GALNT9: variants seen among roughly 807,000 people sequenced by gnomAD.
The protein encoded by GALNT9 is GalNAc transferase 9.
In GALNT9, 47 loss-of-function variants were observed where a neutral mutation model predicts 63.1. The observed-to-expected ratio is 0.75, with a 90% CI of 0.59 to 0.95. GALNT9 has a LOEUF of 0.95. GALNT9 is among the 40% of genes least tolerant of loss of function. The pLI is 0.00. For synonymous variants in GALNT9, 396 were observed against 365.7 expected, an observed-to-expected ratio of 1.08 and a Z score of -0.94; for missense variants, 829 against 874.8, an observed-to-expected ratio of 0.95 and a Z score of 0.66.
intron 6 of GALNT9, among the ~76,000 whole-genome samples, chr12:132,220,355 GA>G (rs1489897196): frequency 6.6e-6 from 1 of 152,218 alleles, no homozygotes; most frequent in Non-Finnish European, 1.5e-5. Flanking sequence ...GACAGAAAAA[GA>G]GAGTAATTAA....
intron 6 of GALNT9, among the ~76,000 whole-genome samples, chr12:132,216,561 G>A (rs1213749271): frequency 6.6e-6 from 1 of 152,258 alleles, no homozygotes; most frequent in African/African-American, 2.4e-5. Context: ...GGGGTCCACA[G>A]GCAGGCGGCA....
intron 6 of GALNT9, among the ~76,000 whole-genome samples, chr12:132,235,290 G>A (rs1467798302): frequency 2.6e-5 from 4 of 152,168 alleles, no homozygotes; most frequent in African/African-American, 7.2e-5. Flanking sequence ...AGCCGGGTGC[G>A]GTGGGCGCTG....
chr12:132,271,800 G>A (rs559517740), intron 2 of GALNT9, among the ~76,000 whole-genome samples: 11 of 152,174 alleles, frequency 7.2e-5, no homozygotes, highest in East Asian at 1.9e-4. Context: ...CGCACAGAAC[G>A]TGCAGGGAGG....
At chr12:132,221,826 A>G (rs1388070470) in intron 6 of GALNT9, among the ~76,000 whole-genome samples, 1 of 152,164 alleles carries the variant, frequency 6.6e-6, no homozygotes, top group Non-Finnish European at 1.5e-5. Context: ...GCTGGGTGAC[A>G]TCGGGTAAAT....
intron 5 of GALNT9, among the ~76,000 whole-genome samples, chr12:132,249,290 A>G (rs567371187): frequency 2.6e-5 from 4 of 152,204 alleles, no homozygotes; most frequent in Non-Finnish European, 5.9e-5. Context: ...GCAGGCCTTG[A>G]GCTTCCCTGA....
intron 2 of GALNT9, among the ~76,000 whole-genome samples, chr12:132,268,508 C>T (rs782609574): frequency 1.1e-4 from 17 of 152,144 alleles, no homozygotes; most frequent in Admixed American, 2.6e-4. Context: ...TTCACTATGG[C>T]AACAAAAGCA....
intron 6 of GALNT9, 140 bp from the exon 7 acceptor site, chr12:132,203,830 C>CG: frequency 1.2e-6 from 1 of 858,494 alleles, no homozygotes; most frequent in Non-Finnish European, 1.7e-6. Flanking sequence ...TGGTGGGTCC[C>CG]GGGGCTTTGC....
At position 132,208,796 on chromosome 12, in the gene GALNT9, C is replaced by A. The variant is rs187602902; in HGVS notation, c.1078-5106G>T. ...CGCAACATTTCAGAGTGGATTGTTA[C>A]ACATCCAAGAGCTGACCCATCCATG... On this transcript the variant is annotated intron_variant, in intron 6 of 10. Coordinates refer to ENST00000328957, the MANE Select transcript of GALNT9 (RefSeq NM_001122636.2). 1.9e-4 allele frequency among the ~76,000 whole-genome samples: 29 copies of A among 152,350 alleles called. No homozygotes were observed. In the East Asian group the frequency reaches 5.6e-3, roughly 29 times the overall value.
At chr12:132,240,584 C>T (rs1053434437) in intron 6 of GALNT9, 1 of 454,630 alleles carries the variant, frequency 2.2e-6, no homozygotes, top group Admixed American at 2.4e-5. Flanking sequence ...GGCCCCGGGG[C>T]TCGGCTGTGG....
chr12:132,228,025 C>G (rs1877760653), intron 6 of GALNT9, among the ~76,000 whole-genome samples: 1 of 152,166 alleles, frequency 6.6e-6, no homozygotes, highest in African/African-American at 2.4e-5. Context: ...TAGCTACAGC[C>G]TGCTCTGTGG....
chr12:132,250,824 G>A lies in GALNT9; in HGVS notation c.960-2797C>T, dbSNP rs146729665. Reference sequence around the variant, plus strand: ...CAACAACAAAGGCTCAGCTCATGCCGAGGTAAGACGGCGAGGAGGCGGTGG... The same window carrying A: ...CAACAACAAAGGCTCAGCTCATGCCAAGGTAAGACGGCGAGGAGGCGGTGG... On this transcript the variant is annotated intron_variant, in intron 5 of 10. Coordinates refer to ENST00000328957, the MANE Select transcript of GALNT9 (RefSeq NM_001122636.2). Among the ~76,000 whole-genome samples, 21 of 152,314 alleles carry A rather than the reference G, an allele frequency of 1.4e-4. No individual in the cohort carries two copies. In the East Asian group the frequency reaches 1.5e-3, roughly 11 times the overall value.
chr12:132,295,928 TCC>T (rs1881048225), intron 1 of GALNT9, among the ~76,000 whole-genome samples: 1 of 138,344 alleles, frequency 7.2e-6, no homozygotes, highest in Non-Finnish European at 1.5e-5. Flanking sequence ...AGGGACGGCC[TCC>T]GAACAGGGAC....
intron 1 of GALNT9, among the ~76,000 whole-genome samples, chr12:132,320,954 G>A (rs574096898): frequency 3.3e-5 from 5 of 152,330 alleles, no homozygotes; most frequent in South Asian, 2.1e-4. Flanking sequence ...AGCTGAGGAG[G>A]GAGGAGCTGG....
At chr12:132,237,814 C>A (rs146888905) in intron 6 of GALNT9, among the ~76,000 whole-genome samples, 2 of 152,200 alleles carry the variant, frequency 1.3e-5, no homozygotes, top group Non-Finnish European at 2.9e-5. Flanking sequence ...GCGCTTGACC[C>A]GAGCGGACAG....
intron 1 of GALNT9, among the ~76,000 whole-genome samples, chr12:132,295,137 G>A (rs1881006454): frequency 6.6e-6 from 1 of 152,238 alleles, no homozygotes; most frequent in African/African-American, 2.4e-5. Flanking sequence ...CCACAGCCCA[G>A]GGGCCAGAGA....
At chr12:132,300,116 A>G (rs1881236438) in intron 1 of GALNT9, among the ~76,000 whole-genome samples, 1 of 132,626 alleles carries the variant, frequency 7.5e-6, no homozygotes, top group Non-Finnish European at 1.6e-5. Context: ...TAACTAACCC[A>G]CTCCCACCAC....
In GALNT9 at chr12:132,327,466, A is replaced by T. The variant is rs2135595522; in HGVS notation, c.238+1500T>A. Among the ~76,000 whole-genome samples, 1 of 152,042 alleles carries T rather than the reference A, an allele frequency of 6.6e-6. No homozygotes were observed. ...CGAGCTGCCCTCGTGGTGTTACACAACCTCAGTGTGCTGCCAATGTTTTTA... is the reference window on the plus strand; with the variant it reads ...CGAGCTGCCCTCGTGGTGTTACACATCCTCAGTGTGCTGCCAATGTTTTTA... On this transcript the variant is annotated intron_variant, in intron 1 of 10. Coordinates refer to ENST00000328957, the MANE Select transcript of GALNT9 (RefSeq NM_001122636.2). The surrounding 1 kb of genome is among the most constrained non-coding windows in gnomAD (Gnocchi z 4.3).
intron 1 of GALNT9, among the ~76,000 whole-genome samples, chr12:132,288,950 T>C (rs1256774318): frequency 6.6e-6 from 1 of 151,776 alleles, no homozygotes; most frequent in African/African-American, 2.4e-5. Flanking sequence ...TGGTTCCAGA[T>C]GGCTGCCCAA....
At position 132,291,534 on chromosome 12, in the gene GALNT9, G is replaced by GTCCACACCACCGACA. The variant is rs1376356120; in HGVS notation, c.239-5119_239-5105dup. Among the ~76,000 whole-genome samples, 4 of 113,556 alleles carry GTCCACACCACCGACA rather than the reference G, an allele frequency of 3.5e-5. No homozygotes were observed. In the Admixed American group the frequency reaches 3.5e-4, roughly 10 times the overall value. 74.5% of individuals were successfully genotyped at this position (113,556 alleles called of 152,430 possible). A position where few individuals can be genotyped will look rare whatever the true frequency, so the allele number is the denominator to read the frequency against. On this transcript the variant is annotated intron_variant, in intron 1 of 10. Coordinates refer to ENST00000328957, the MANE Select transcript of GALNT9 (RefSeq NM_001122636.2). The stretch of plus-strand genomic sequence containing the variant: ...CACCACCCACATCCACAGCACCCAC[G>GTCCACACCACCGACA]TCCACACCACCGACATCCACAGCAC...
Sources: gnomAD v4.1 joint callset for allele counts (sites outside exome capture counted in the v4.1 genomes callset) on GRCh38, gnomAD v4.1.1 for gene constraint, Gnocchi (gnomAD v3.1) non-coding constraint, MANE v1.5 for transcripts, NCBI Gene and HGNC (gene_info 2026-07-23, HGNC 2026-07-21) for gene names.